NAA35: variants seen among roughly 807,000 people sequenced by gnomAD.
NAA35 encodes the protein MAK10 homolog, amino-acid N-acetyltransferase subunit.
In NAA35, 18 loss-of-function variants were observed where a neutral mutation model predicts 101.7. That is an observed-to-expected ratio of 0.18 (90% CI 0.12 to 0.26). The LOEUF is 0.26. NAA35 is among the 10% of genes least tolerant of loss of function. The pLI, the probability that NAA35 is intolerant of heterozygous loss-of-function variation, is 1.00. For missense variants in NAA35, 601 were observed against 886.8 expected (o/e 0.68, Z 4.09); for synonymous variants, 267 against 273.1 (o/e 0.98, Z 0.22).
chr9:85,965,871 G>C (rs1829721917), intron 6 of NAA35, among the ~76,000 whole-genome samples: 1 of 152,068 alleles, frequency 6.6e-6, no homozygotes. Context: ...TTGCACTGTT[G>C]GGATTTTTAG....
At position 85,978,389 on chromosome 9, in the gene NAA35, T is replaced by A; in HGVS notation, c.877+8T>A. On this transcript the variant is annotated splice_region_variant and intron_variant, in intron 11 of 22. Transcript: ENST00000361671. Reference sequence around the variant, plus strand: ...ATGATACTACAAAAGGAGGTAATTGTTCAATTTGCTCCTACTCTTTCTTTT... The same window carrying A: ...ATGATACTACAAAAGGAGGTAATTGATCAATTTGCTCCTACTCTTTCTTTT... 6.6e-7 allele frequency: 1 copy of A among 1,506,894 alleles called. No homozygotes were observed. The highest frequency in any genetic ancestry group is 9.2e-7 in the Non-Finnish European group (1 of 1,082,524). 93.3% of individuals were successfully genotyped at this position (1,506,894 alleles called of 1,614,324 possible).
At chr9:86,020,818 G>GCTGTCAACC in intron 21 of NAA35, 71 bp from the exon 22 acceptor site, 1 of 1,197,230 alleles carries the variant, frequency 8.4e-7, no homozygotes, top group Non-Finnish European at 1.2e-6. Context: ...TTGACAGCAG[G>GCTGTCAACC]TCTCAAAAAA....
chr9:85,959,660 A>AT lies in NAA35; in HGVS notation c.274-132dup. On this transcript the variant is annotated intron_variant, in intron 4 of 22. Coordinates refer to ENST00000361671, the MANE Select transcript of NAA35 (RefSeq NM_024635.4). ...TAATTTGGTGTGATAGTTTTATCAG[A>AT]TGATAAGATAGCATTTTCTTAGAAT... is the stretch of plus-strand genomic sequence containing the variant. 5.2e-6 allele frequency: 3 copies of AT among 580,466 alleles called. No individual in the cohort carries two copies. In the South Asian group the frequency reaches 7.2e-5, roughly 14 times the overall value. 36.0% of individuals were successfully genotyped at this position (580,466 alleles called of 1,614,324 possible). A position where few individuals can be genotyped will look rare whatever the true frequency, so the allele number is the denominator to read the frequency against.
intron 17 of NAA35, among the ~76,000 whole-genome samples, chr9:86,015,137 C>T (rs1832143206): frequency 6.6e-6 from 1 of 152,094 alleles, no homozygotes. Context: ...GACCTTTGTT[C>T]TTGATTTCTC....
chr9:86,010,193 G>A (rs1831836603), intron 15 of NAA35, among the ~76,000 whole-genome samples: 1 of 152,114 alleles, frequency 6.6e-6, no homozygotes, highest in Admixed American at 6.5e-5. Flanking sequence ...AGTGAACCAA[G>A]ATCGTGCCAC....
At chr9:86,012,677 A>G (rs1163988371) in intron 15 of NAA35, among the ~76,000 whole-genome samples, 1 of 152,218 alleles carries the variant, frequency 6.6e-6, no homozygotes, top group African/African-American at 2.4e-5. Flanking sequence ...TTTTAAGCTA[A>G]TAATTATTAG....
chr9:85,961,488 A>T (rs1218345818), intron 5 of NAA35, among the ~76,000 whole-genome samples: 1 of 152,246 alleles, frequency 6.6e-6, no homozygotes. Context: ...GGTGCCAGAC[A>T]TATAGTGGTC....
At chr9:85,986,000 A>G (rs1367599272) in intron 11 of NAA35, among the ~76,000 whole-genome samples, 1 of 152,212 alleles carries the variant, frequency 6.6e-6, no homozygotes, top group East Asian at 1.9e-4. Flanking sequence ...ATCATAAGAA[A>G]ATAATGAAGG....
At position 86,024,767 on chromosome 9, in the gene NAA35, G is replaced by C. The variant is rs765403188; in HGVS notation, c.*2807G>C. On this transcript the variant is annotated 3_prime_UTR_variant, in exon 23 of 23. Transcript: ENST00000361671. Reference sequence around the variant, plus strand: ...TGGGATAAAGATTGCTTTAGACATTGAGATATCTTTGGGACATCCTGGTGA... The same window carrying C: ...TGGGATAAAGATTGCTTTAGACATTCAGATATCTTTGGGACATCCTGGTGA... 2.6e-5 allele frequency among the ~76,000 whole-genome samples: 4 copies of C among 152,152 alleles called. No individual in the cohort carries two copies. Among genetic ancestry groups the C allele is most frequent in the Non-Finnish European group, 5.9e-5 (4 of 68,022 alleles).
rs75579968 is a variant in NAA35 at position 86,003,113 on chromosome 9, G to A, written c.1057-472G>A. Among the ~76,000 whole-genome samples the A allele has an allele frequency of 2.0e-3, 303 of 152,248 alleles. 1 individual carries two copies. Among genetic ancestry groups the A allele is most frequent in the Non-Finnish European group, 3.2e-3 (216 of 68,014 alleles). On this transcript the variant is annotated intron_variant, in intron 12 of 22. Transcript: ENST00000361671. ...TTTCAAAGTGGGGTATGTTAGTGAG[G>A]TACTTTTGGTGTTGAAGCTTTGGTG...
intron 2 of NAA35, among the ~76,000 whole-genome samples, chr9:85,949,360 T>C (rs1212441846): frequency 6.6e-6 from 1 of 151,400 alleles, no homozygotes; most frequent in Non-Finnish European, 1.5e-5. Context: ...AATGGCGCAA[T>C]CTCGGCTCAC....
chr9:86,000,373 T>C (rs1831371184), intron 12 of NAA35, among the ~76,000 whole-genome samples: 1 of 152,122 alleles, frequency 6.6e-6, no homozygotes, highest in African/African-American at 2.4e-5. Context: ...TTTTGTTGAG[T>C]CTCTACCAGG....
chr9:85,980,444 A>G (rs921301647), intron 11 of NAA35, among the ~76,000 whole-genome samples: 2 of 152,102 alleles, frequency 1.3e-5, no homozygotes, highest in African/African-American at 4.8e-5. Context: ...TCGCATATCA[A>G]AAGACAGCAC....
chr9:85,975,854 C>T (rs1830188053), intron 8 of NAA35, among the ~76,000 whole-genome samples: 1 of 152,076 alleles, frequency 6.6e-6, no homozygotes, highest in African/African-American at 2.4e-5. Context: ...GTCTGGAACA[C>T]AGTAGGTGAG....
chr9:85,995,056 A>G (rs1484418033), intron 11 of NAA35, among the ~76,000 whole-genome samples: 2 of 152,104 alleles, frequency 1.3e-5, no homozygotes, highest in Non-Finnish European at 2.9e-5. Flanking sequence ...TGTAATGACC[A>G]TGTGCTATTG....
Position 86,022,573 on chromosome 9 carries a change from T to C in NAA35, c.*613T>C, listed in dbSNP as rs1832614167. Among the ~76,000 whole-genome samples, 4 of 152,228 alleles carry C rather than the reference T, an allele frequency of 2.6e-5. No individual in the cohort carries two copies. The South Asian group carries it at 8.3e-4, about 31-fold the overall frequency. ...TACAGATGTGTAAAAAAAATCCTTT[T>C]AGCACTTTTAAAAGATTATACATTG... is the stretch of plus-strand genomic sequence containing the variant. On this transcript the variant is annotated 3_prime_UTR_variant, in exon 23 of 23. Transcript: ENST00000361671.
intron 14 of NAA35, among the ~76,000 whole-genome samples, chr9:86,008,657 A>G (rs1285687103): frequency 6.6e-6 from 1 of 152,236 alleles, no homozygotes; most frequent in Non-Finnish European, 1.5e-5. Flanking sequence ...AACTTTATGG[A>G]ACATAAATAC....
intron 5 of NAA35, 60 bp downstream of exon 5, chr9:85,959,927 G>T: frequency 4.7e-6 from 6 of 1,271,142 alleles, no homozygotes; most frequent in Non-Finnish European, 6.8e-6. Context: ...TGAATCTTGT[G>T]ATTTAAAAGC....
At chr9:86,017,625 A>AT (rs1478803973) in intron 19 of NAA35, 60 bp downstream of exon 19, 1 of 1,310,686 alleles carries the variant, frequency 7.6e-7, no homozygotes, top group East Asian at 2.4e-5. Flanking sequence ...TATATAGTTT[A>AT]TTTAAACTGT....
Sources: allele counts gnomAD v4.1 joint callset (sites outside exome capture counted in the v4.1 genomes callset), GRCh38; gene constraint gnomAD v4.1.1; transcripts MANE v1.5; gene names NCBI Gene and HGNC (gene_info 2026-07-23, HGNC 2026-07-21).